The following PCDHA2 variants were observed in gnomAD, a reference collection of about 807,000 sequenced individuals.
The protein encoded by PCDHA2 is protocadherin alpha-2.
PCDHA2 carries 58 observed loss-of-function variants against 66.0 expected under a neutral mutation model. That is an observed-to-expected ratio of 0.88 (90% CI 0.71 to 1.09). The LOEUF is 1.09. PCDHA2 is among the 50% of genes least tolerant of loss of function. The pLI is 0.00. For synonymous variants in PCDHA2, 634 were observed against 554.0 expected, an observed-to-expected ratio of 1.14 and a Z score of -2.03; for missense variants, 1,267 against 1,242.3, an observed-to-expected ratio of 1.02 and a Z score of -0.30.
intron 1 of PCDHA2, among the ~76,000 whole-genome samples, chr5:140,833,733 C>T (rs1772600974): frequency 1.4e-5 from 2 of 144,312 alleles, no homozygotes; most frequent in Admixed American, 1.4e-4. Context: ...GCTAATGTTT[C>T]TTGCCTCCTA....
chr5:140,796,892 C>G lies in PCDHA2; in HGVS notation c.1928C>G (p.Pro643Arg), dbSNP rs782684742. The G allele has an allele frequency of 6.2e-7, 1 of 1,613,982 alleles. No homozygotes were observed. The highest frequency in any genetic ancestry group is 8.5e-7 in the Non-Finnish European group (1 of 1,179,980). ...CGTGCCCTAGACGAGGCTGACTCCC[C>G]TCGACACCGCCTACTCGTGCTGGTG... is the stretch of plus-strand genomic sequence containing the variant. ...TTRALDEADS[P>R]RHRLLVLVKD... The change falls in exon 1 of 4, where the codon CCT (proline) becomes CGT (arginine). Residue 643 changes from proline (P) to arginine (R), a missense_variant. Pro to Arg is a moderately radical substitution (Grantham distance 103, BLOSUM62 -2). Transcript: ENST00000526136.
At chr5:140,900,695 C>T (rs889860103) in intron 1 of PCDHA2, among the ~76,000 whole-genome samples, 4 of 152,170 alleles carry the variant, frequency 2.6e-5, no homozygotes, top group Non-Finnish European at 5.9e-5. Context: ...TACTGATTTC[C>T]GTTCTTTTGG....
At chr5:140,980,076 G>A (rs2096875671) in intron 2 of PCDHA2, among the ~76,000 whole-genome samples, 1 of 152,214 alleles carries the variant, frequency 6.6e-6, no homozygotes, top group South Asian at 2.1e-4. Flanking sequence ...AAGGGCTGAA[G>A]ATTAGTAGTT....
At chr5:140,965,521 G>T (rs1554227745) in intron 1 of PCDHA2, among the ~76,000 whole-genome samples, 1 of 150,834 alleles carries the variant, frequency 6.6e-6, no homozygotes, top group African/African-American at 2.4e-5. Flanking sequence ...TAACTGCAAA[G>T]CATTAATGGA....
chr5:140,946,374 C>T (rs1371899868), intron 1 of PCDHA2, among the ~76,000 whole-genome samples: 5 of 151,656 alleles, frequency 3.3e-5, no homozygotes, highest in African/African-American at 9.7e-5. Flanking sequence ...CTCTTGCACA[C>T]GGTTGGTAGG....
At chr5:140,938,210 T>G (rs1355577102) in intron 1 of PCDHA2, among the ~76,000 whole-genome samples, 2 of 152,140 alleles carry the variant, frequency 1.3e-5, no homozygotes, top group East Asian at 3.8e-4. Flanking sequence ...CCTCCCAAAG[T>G]GCTGGGATTA....
At chr5:140,855,951 G>A (rs923077189) in intron 1 of PCDHA2, 2 of 1,372,088 alleles carry the variant, frequency 1.5e-6, no homozygotes, top group South Asian at 1.4e-5. Context: ...CAGCCATTTC[G>A]ATAAAAAATA....
chr5:140,850,864 C>T, intron 1 of PCDHA2: 1 of 1,593,486 alleles, frequency 6.3e-7, no homozygotes, highest in Non-Finnish European at 8.6e-7. Context: ...GGAGAACCCT[C>T]TGCTTCCTCA....
At chr5:140,982,214 TG>T in intron 2 of PCDHA2, 1 of 485,000 alleles carries the variant, frequency 2.1e-6, no homozygotes, top group Non-Finnish European at 3.3e-6. Flanking sequence ...GAGCGCCACA[TG>T]GCGTTAATAA....
chr5:140,925,124 A>AGG (rs1554202565), intron 1 of PCDHA2, among the ~76,000 whole-genome samples: 1 of 151,856 alleles, frequency 6.6e-6, no homozygotes, highest in African/African-American at 2.4e-5. Flanking sequence ...GAAGGAAGGA[A>AGG]AAAAAATTTC....
chr5:140,876,708 C>T, intron 1 of PCDHA2: 7 of 1,614,220 alleles, frequency 4.3e-6, no homozygotes, highest in African/African-American at 1.3e-5. Context: ...TGGACAGCGC[C>T]CTGGACCGCG....
chr5:140,931,838 C>G (rs572437091), intron 1 of PCDHA2, among the ~76,000 whole-genome samples: 4 of 151,894 alleles, frequency 2.6e-5, no homozygotes, highest in African/African-American at 9.6e-5. Context: ...ATCCTGAATG[C>G]CTTAATAACA....
chr5:140,929,651 A>G (rs2086278415), intron 1 of PCDHA2: 2 of 358,222 alleles, frequency 5.6e-6, no homozygotes, highest in East Asian at 8.9e-5. Context: ...AAGGCACTCT[A>G]ATATTTAAAG....
At chr5:140,882,565 C>T (rs782122682) in intron 1 of PCDHA2, 5 of 1,614,118 alleles carry the variant, frequency 3.1e-6, no homozygotes, top group Non-Finnish European at 4.2e-6. Context: ...GTGGGCGGAG[C>T]GCGGAGTGCA....
chr5:140,904,397 T>G (rs2071090298), intron 1 of PCDHA2, among the ~76,000 whole-genome samples: 1 of 151,416 alleles, frequency 6.6e-6, no homozygotes, highest in East Asian at 1.9e-4. Flanking sequence ...TATTCCATGG[T>G]GTATTATATA....
intron 1 of PCDHA2, chr5:140,842,822 G>A (rs2150345251): frequency 1.9e-6 from 3 of 1,593,810 alleles, no homozygotes; most frequent in South Asian, 2.2e-5. Context: ...GCGGGTGGGC[G>A]AGCGCTCGCT....
At chr5:140,941,375 G>A (rs1441847516) in intron 1 of PCDHA2, among the ~76,000 whole-genome samples, 1 of 134,938 alleles carries the variant, frequency 7.4e-6, no homozygotes, top group Non-Finnish European at 1.5e-5. Context: ...GGAGTGTAGT[G>A]ACAGGATTTT....
At chr5:140,869,288 G>C (rs950790626) in intron 1 of PCDHA2, 2 of 1,613,578 alleles carry the variant, frequency 1.2e-6, no homozygotes, top group South Asian at 1.1e-5. Flanking sequence ...CTGGTGCAGC[G>C]CCTGTTCCGG....
At chr5:141,001,977 A>T (rs527826696) in intron 3 of PCDHA2, among the ~76,000 whole-genome samples, 1 of 152,246 alleles carries the variant, frequency 6.6e-6, no homozygotes, top group South Asian at 2.1e-4. Flanking sequence ...CTCTGCGCGG[A>T]AAGCCTGGAA....
Sources: gnomAD v4.1 joint callset for allele counts (sites outside exome capture counted in the v4.1 genomes callset) on GRCh38, gnomAD v4.1.1 for gene constraint, MANE v1.5 for transcripts, NCBI Gene and HGNC (gene_info 2026-07-23, HGNC 2026-07-21) for gene names.